The following OLFM1 variants were observed in gnomAD, a reference collection of about 807,000 sequenced individuals.
OLFM1 encodes the protein noelin.
OLFM1 carries 9 observed loss-of-function variants against 49.7 expected under a neutral mutation model. The ratio of observed to expected loss-of-function variants is 0.18; its 90% CI spans 0.11 to 0.32. The LOEUF (loss-of-function observed/expected upper bound fraction) is 0.32. Among genes scored for constraint, OLFM1 ranks in the 10% least tolerant of loss-of-function variants. OLFM1 has a pLI of 1.00. For synonymous variants in OLFM1, 240 were observed against 271.8 expected (o/e 0.88, Z 1.15); for missense variants, 369 against 661.8 (o/e 0.56, Z 4.85).
chr9:135,089,015 C>T (rs1830643483), intron 1 of OLFM1, among the ~76,000 whole-genome samples: 1 of 152,336 alleles, frequency 6.6e-6, no homozygotes, highest in Admixed American at 6.5e-5. Flanking sequence ...CGCCCCAGAC[C>T]ACTGGCCCTT....
intron 5 of OLFM1, among the ~76,000 whole-genome samples, chr9:135,112,471 G>A (rs1831036670): frequency 6.6e-6 from 1 of 151,860 alleles, no homozygotes; most frequent in African/African-American, 2.4e-5. Context: ...TGGGAGGACA[G>A]GGCCTGTGTC....
In OLFM1 at chr9:135,091,666, GTC is replaced by G. The variant is rs1491526511; in HGVS notation, c.300+1323_300+1324del. Among the ~76,000 whole-genome samples the G allele has an allele frequency of 1.4e-4, 3 of 21,774 alleles. No individual in the cohort carries two copies. In the East Asian group the frequency reaches 6.2e-3, roughly 45 times the overall value. 14.3% of individuals were successfully genotyped at this position (21,774 alleles called of 152,430 possible). A position where few individuals can be genotyped will look rare whatever the true frequency, so the allele number is the denominator to read the frequency against. On this transcript the variant is annotated intron_variant, in intron 2 of 5. Transcript: ENST00000371793. The stretch of plus-strand genomic sequence containing the variant: ...ACACTCACATAGTCACACACACACA[GTC>G]ACACACTCACACATAGTCTCACACA...
chr9:135,098,187 A>G lies in OLFM1; in HGVS notation c.457-99A>G. On this transcript the variant is annotated intron_variant, in intron 3 of 5. Coordinates refer to ENST00000371793, the MANE Select transcript of OLFM1 (RefSeq NM_001282611.2). This position sits in a 1 kb window ranked among gnomAD's most constrained non-coding sequence, Gnocchi z 5.6. Reference sequence around the variant, plus strand: ...AAATAAGCCTGTAAATAAAGCGGGAATATACACACTTTCCCTCACCTAGGG... The same window carrying G: ...AAATAAGCCTGTAAATAAAGCGGGAGTATACACACTTTCCCTCACCTAGGG... 4.0e-6 allele frequency: 6 copies of G among 1,499,652 alleles called. No individual in the cohort carries two copies. The highest frequency in any genetic ancestry group is 5.4e-6 in the Non-Finnish European group (6 of 1,118,832). The allele number at this position is 1,499,652 out of a possible 1,614,324, so 92.9% of individuals were successfully genotyped here.
At chr9:135,099,687 T>A (rs1000390479) in intron 4 of OLFM1, among the ~76,000 whole-genome samples, 2 of 152,200 alleles carry the variant, frequency 1.3e-5, no homozygotes, top group African/African-American at 4.8e-5. Flanking sequence ...AGAGAACTAA[T>A]CCATTTTGAT....
At chr9:135,086,496 C>A (rs542952227), upstream of OLFM1, 1 of 390,310 alleles carries the variant, frequency 2.6e-6, no homozygotes, top group Non-Finnish European at 5.1e-6. Context: ...GGCCCGGCGT[C>A]CGTCTTTCAA....
rs542496230 is a variant in OLFM1 at position 135,078,539 on chromosome 9, T to C, written c.96+2737T>C. Among the ~76,000 whole-genome samples, 5 of 152,348 alleles carry C rather than the reference T, an allele frequency of 3.3e-5. No homozygotes were observed. The South Asian group carries it at 1.0e-3, about 32-fold the overall frequency. On this transcript the variant is annotated intron_variant, in intron 1 of 5. Transcript: ENST00000252854. The stretch of plus-strand genomic sequence containing the variant: ...CGACACGCAAGGCTGTGGGGCCAGG[T>C]GAACTTTGTCCTCAGACAGAAAGAC...
intron 4 of OLFM1, among the ~76,000 whole-genome samples, chr9:135,102,140 G>T (rs908788190): frequency 2.6e-5 from 4 of 152,230 alleles, no homozygotes; most frequent in Non-Finnish European, 5.9e-5. Context: ...TGCAAGTCCA[G>T]TTGCAGGCCC....
chr9:135,107,870 G>A (rs909655191), intron 5 of OLFM1, among the ~76,000 whole-genome samples: 1 of 152,182 alleles, frequency 6.6e-6, no homozygotes, highest in Non-Finnish European at 1.5e-5. Flanking sequence ...TCTGATTTCT[G>A]ATCTCTTTGC....
chr9:135,114,414 C>T (rs959748821), intron 5 of OLFM1, among the ~76,000 whole-genome samples: 4 of 152,080 alleles, frequency 2.6e-5, no homozygotes, highest in Non-Finnish European at 4.4e-5. Context: ...CATGCCCAGC[C>T]GAGATTCTTA....
In OLFM1 at chr9:135,090,233, C is replaced by A; in HGVS notation, c.189C>A (p.Tyr63Ter). 6.2e-7 allele frequency: 1 copy of A among 1,613,820 alleles called. No individual in the cohort carries two copies. Residue 63 changes from tyrosine (Y) to a stop codon, truncating the protein, a stop_gained, in exon 2 of 6, where the codon TAC becomes TAA. Transcript: ENST00000371793. LOFTEE classifies it high-confidence loss of function. ...ACCCTGAGGAGAGCTGGCAGGTGTACAGCTCTGCCCAGGACAGCGAGGGCA... is the reference window on the plus strand; with the variant it reads ...ACCCTGAGGAGAGCTGGCAGGTGTAAAGCTCTGCCCAGGACAGCGAGGGCA... ...PTNPEESWQV[Y>*]SSAQDSEGRC...
At chr9:135,108,933 C>T (rs1442384259) in intron 5 of OLFM1, among the ~76,000 whole-genome samples, 2 of 152,152 alleles carry the variant, frequency 1.3e-5, no homozygotes, top group Non-Finnish European at 2.9e-5. Flanking sequence ...CACCCTCCCC[C>T]TACAAGTGCC....
At chr9:135,090,374 ATGTGTGTGTGTTTGTG>A (rs1830666714) in intron 2 of OLFM1, 30 bp downstream of exon 2, 1 of 1,355,428 alleles carries the variant, frequency 7.4e-7, no homozygotes, top group Non-Finnish European at 1.0e-6. Flanking sequence ...GTGAGTTTGT[ATGTGTGTGTGTTTGTG>A]TGTGTGTGTG....
At chr9:135,089,245 G>A (rs1233873809) in intron 1 of OLFM1, among the ~76,000 whole-genome samples, 2 of 152,216 alleles carry the variant, frequency 1.3e-5, no homozygotes, top group African/African-American at 4.8e-5. Context: ...GAATGAATGA[G>A]ATTAAAGATA....
chr9:135,090,565 T>C (rs1588207249), intron 2 of OLFM1, among the ~76,000 whole-genome samples: 2 of 151,132 alleles, frequency 1.3e-5, no homozygotes, highest in South Asian at 4.2e-4. Flanking sequence ...GACGGATGGG[T>C]GGATGGGTGG....
intron 4 of OLFM1, among the ~76,000 whole-genome samples, chr9:135,100,589 G>A (rs916617082): frequency 1.1e-4 from 17 of 152,196 alleles, no homozygotes; most frequent in Admixed American, 4.6e-4. Flanking sequence ...GCATCTGCCC[G>A]TAGCCAGCAC....
At chr9:135,091,188 C>T (rs1199715166) in intron 2 of OLFM1, among the ~76,000 whole-genome samples, 2 of 152,226 alleles carry the variant, frequency 1.3e-5, no homozygotes, top group African/African-American at 4.8e-5. Flanking sequence ...GGGGCCTTCT[C>T]CTAATGGGCA....
At chr9:135,110,014 ACT>A (rs1564278496) in intron 5 of OLFM1, among the ~76,000 whole-genome samples, 1 of 152,162 alleles carries the variant, frequency 6.6e-6, no homozygotes, top group Admixed American at 6.5e-5. Flanking sequence ...TGTGCTGAGC[ACT>A]GAGAGCCCCC....
chr9:135,076,211 C>A, intron 1 of OLFM1: 1 of 1,550,630 alleles, frequency 6.4e-7, no homozygotes, highest in Non-Finnish European at 8.7e-7. Flanking sequence ...CTACCCCCAA[C>A]ACACACCCCT....
Position 135,087,691 on chromosome 9 carries a change from G to A in OLFM1, c.-299G>A. On this transcript the variant is annotated 5_prime_UTR_variant, in exon 1 of 6. Transcript: ENST00000371793. ...TCAGAGCCGGACGGCGCTTCCCGGT[G>A]GCGGCGGAGGAGCCCGGAGGGACGC... 2.4e-6 allele frequency: 1 copy of A among 422,990 alleles called. No individual in the cohort carries two copies. The highest frequency in any genetic ancestry group is 3.4e-6 in the Non-Finnish European group (1 of 295,106). The allele number at this position is 422,990 out of a possible 1,614,324, so 26.2% of individuals were successfully genotyped here.
Sources: gnomAD v4.1 joint callset for allele counts (sites outside exome capture counted in the v4.1 genomes callset) on GRCh38, gnomAD v4.1.1 for gene constraint, Gnocchi (gnomAD v3.1) non-coding constraint, MANE v1.5 for transcripts, NCBI Gene and HGNC (gene_info 2026-07-23, HGNC 2026-07-21) for gene names.